The following CDK15 variants were observed in gnomAD, a reference collection of about 807,000 sequenced individuals.
The protein encoded by CDK15 is cyclin dependent kinase 15.
In CDK15, 62 loss-of-function variants were observed where a neutral mutation model predicts 60.3. That is an observed-to-expected ratio of 1.03 (90% CI 0.84 to 1.27). The LOEUF (loss-of-function observed/expected upper bound fraction) is 1.27. CDK15 is among the 50% of genes most tolerant of loss of function. The pLI is 0.00. For missense variants in CDK15, 541 were observed against 527.8 expected, an observed-to-expected ratio of 1.03 and a Z score of -0.25; for synonymous variants, 194 against 195.7, an observed-to-expected ratio of 0.99 and a Z score of 0.07.
At chr2:201,836,997 A>G (rs952205821) in intron 8 of CDK15, among the ~76,000 whole-genome samples, 3 of 152,054 alleles carry the variant, frequency 2.0e-5, no homozygotes, top group African/African-American at 7.2e-5. Context: ...GTACAAATAT[A>G]AGAACCAAAT....
At chr2:201,847,623 T>A in intron 9 of CDK15, 149 bp downstream of exon 9, 1 of 677,434 alleles carries the variant, frequency 1.5e-6, no homozygotes, top group Non-Finnish European at 2.5e-6. Flanking sequence ...TTGCCACAGC[T>A]ATAAGCACCC....
intron 10 of CDK15, among the ~76,000 whole-genome samples, chr2:201,863,709 A>C (rs1698493756): frequency 6.6e-6 from 1 of 152,218 alleles, no homozygotes; most frequent in Non-Finnish European, 1.5e-5. Context: ...CAGCCTGGCC[A>C]ACATGGTGAA....
chr2:201,830,772 G>A (rs1402599473), intron 6 of CDK15, among the ~76,000 whole-genome samples: 1 of 152,202 alleles, frequency 6.6e-6, no homozygotes. Context: ...AAATCCAAGG[G>A]ACAGGGGTTT....
intron 6 of CDK15, among the ~76,000 whole-genome samples, chr2:201,827,062 G>A (rs1423573685): frequency 6.6e-6 from 1 of 152,164 alleles, no homozygotes; most frequent in Non-Finnish European, 1.5e-5. Context: ...AGTTCTGTTG[G>A]CCTGAAATAC....
chr2:201,819,111 G>A (rs1696113030), intron 4 of CDK15, among the ~76,000 whole-genome samples: 1 of 152,136 alleles, frequency 6.6e-6, no homozygotes, highest in Non-Finnish European at 1.5e-5. Context: ...AGGGCCCAGA[G>A]AGAGAGGGTA....
chr2:201,877,639 G>A (rs1202117023), intron 11 of CDK15, among the ~76,000 whole-genome samples: 2 of 152,098 alleles, frequency 1.3e-5, no homozygotes, highest in African/African-American at 4.8e-5. Context: ...CATTTCATGG[G>A]CCCTAAAAAA....
At chr2:201,883,034 G>T (rs1235756919) in intron 12 of CDK15, among the ~76,000 whole-genome samples, 2 of 152,180 alleles carry the variant, frequency 1.3e-5, no homozygotes, top group East Asian at 3.8e-4. Context: ...GGCTGCCCCA[G>T]GCATGAGAAT....
At chr2:201,862,907 A>AC (rs1258379391) in intron 10 of CDK15, among the ~76,000 whole-genome samples, 1 of 152,190 alleles carries the variant, frequency 6.6e-6, no homozygotes, top group Non-Finnish European at 1.5e-5. Context: ...ATGTCTTTCC[A>AC]CCCAGACGTG....
intron 7 of CDK15, among the ~76,000 whole-genome samples, chr2:201,835,167 G>A (rs189604368): frequency 7.9e-5 from 12 of 152,218 alleles, no homozygotes; most frequent in South Asian, 2.1e-4. Flanking sequence ...ACTTTCTTTC[G>A]CATCACAGTC....
At chr2:201,822,108 T>C (rs1696252791) in intron 4 of CDK15, among the ~76,000 whole-genome samples, 1 of 152,238 alleles carries the variant, frequency 6.6e-6, no homozygotes, top group Non-Finnish European at 1.5e-5. Context: ...TGATGACTTC[T>C]TTCCTTCAAG....
rs111614334 is a variant in CDK15 at position 201,833,716 on chromosome 2, C to CTTCT, written c.607-130_607-129insCTTT. Reference sequence around the variant, plus strand: ...ATGTAAAAATCTTCTTCTTCTTCTTCTTTTTTTTTTTTTTTTTGGTCTCTC... The same window carrying CTTCT: ...ATGTAAAAATCTTCTTCTTCTTCTTCTTCTTTTTTTTTTTTTTTTTTGGTCTCTC... On this transcript the variant is annotated intron_variant, in intron 6 of 13. Coordinates refer to ENST00000652192, the MANE Select transcript of CDK15 (RefSeq NM_001366386.2). The CTTCT allele has an allele frequency of 1.7e-3, 285 of 171,012 alleles. 1 individual carries two copies. Among genetic ancestry groups the CTTCT allele is most frequent in the African/African-American group, 9.1e-3 (277 of 30,490 alleles). The allele number at this position is 171,012 out of a possible 1,614,324, so 10.6% of individuals were successfully genotyped here. A position where few individuals can be genotyped will look rare whatever the true frequency, so the allele number is the denominator to read the frequency against.
At chr2:201,835,001 C>A (rs1021738536) in intron 7 of CDK15, among the ~76,000 whole-genome samples, 1 of 152,126 alleles carries the variant, frequency 6.6e-6, no homozygotes, top group Non-Finnish European at 1.5e-5. Context: ...AAGGTCCTAC[C>A]AAACTAATTA....
Position 201,835,670 on chromosome 2 carries a change from G to T in CDK15, c.758G>T (p.Ser253Ile). The change falls in exon 8 of 14, where the codon AGC (serine) becomes ATC (isoleucine). Residue 253 changes from serine (S) to isoleucine (I), a missense_variant. By Grantham distance (142) the Ser-to-Ile change is moderately radical. Transcript: ENST00000652192. The part of the protein sequence containing the change: ...FGLARAKSIP[S>I]QTYSSEVVTL... The stretch of plus-strand genomic sequence containing the variant: ...CTTGCCCGGGCCAAGTCCATTCCCA[G>T]CCAGACATACTCTTCAGAAGTCGTG... The T allele has an allele frequency of 6.2e-7, 1 of 1,609,618 alleles. No individual in the cohort carries two copies. The highest frequency in any genetic ancestry group is 8.5e-7 in the Non-Finnish European group (1 of 1,177,288).
chr2:201,816,768 A>T (rs1696016595), intron 4 of CDK15, among the ~76,000 whole-genome samples: 1 of 152,210 alleles, frequency 6.6e-6, no homozygotes. Context: ...GGACTAGCCA[A>T]AACAGGGCCT....
At chr2:201,892,673 A>G (rs1699675198) in intron 13 of CDK15, among the ~76,000 whole-genome samples, 1 of 152,246 alleles carries the variant, frequency 6.6e-6, no homozygotes. Context: ...GGGAAAAGCT[A>G]GAGCAATTAA....
intron 12 of CDK15, among the ~76,000 whole-genome samples, chr2:201,880,915 G>A (rs2192879): frequency 0.83 from 126,809 of 152,132 alleles, 53,868 homozygotes; most frequent in Non-Finnish European, 0.92. Flanking sequence ...AGTTTTAGGA[G>A]CAAGGGACAA....
At chr2:201,842,853 C>T (rs1316391121) in intron 8 of CDK15, among the ~76,000 whole-genome samples, 1 of 152,198 alleles carries the variant, frequency 6.6e-6, no homozygotes, top group Non-Finnish European at 1.5e-5. Context: ...GTCACAGGGT[C>T]TTTTCTCCCC....
chr2:201,888,473 C>T lies in CDK15; in HGVS notation c.1199-2312C>T, dbSNP rs148452531. On this transcript the variant is annotated intron_variant, in intron 12 of 13. Transcript: ENST00000652192. Reference sequence around the variant, plus strand: ...ATTTATTCTAAGAGTGAAGCAGCTGCGATAATTATGCTGTCAGCCTCGGGA... The same window carrying T: ...ATTTATTCTAAGAGTGAAGCAGCTGTGATAATTATGCTGTCAGCCTCGGGA... The T allele has an allele frequency of 4.4e-5, 68 of 1,534,794 alleles. No homozygotes were observed. The African/African-American group carries it at 7.4e-4, about 17-fold the overall frequency.
rs868037403 is a variant in CDK15 at position 201,889,170 on chromosome 2, T to C, written c.1199-1615T>C. 9 of 985,280 alleles carry C rather than the reference T, an allele frequency of 9.1e-6. No homozygotes were observed. In the Middle Eastern group the frequency reaches 1.5e-3, roughly 170 times the overall value. The allele number at this position is 985,280 out of a possible 1,614,324, so 61.0% of individuals were successfully genotyped here. A position where few individuals can be genotyped will look rare whatever the true frequency, so the allele number is the denominator to read the frequency against. On this transcript the variant is annotated intron_variant, in intron 12 of 13. Coordinates refer to ENST00000652192, the MANE Select transcript of CDK15 (RefSeq NM_001366386.2). ...TTCTTCCCTTTGGGTGTGAGCAGCT[T>C]CCAGCAAACAGTATTATTTAAGGCA...
Sources: allele counts gnomAD v4.1 joint callset (sites outside exome capture counted in the v4.1 genomes callset), GRCh38; gene constraint gnomAD v4.1.1; transcripts MANE v1.5; gene names NCBI Gene and HGNC (gene_info 2026-07-23, HGNC 2026-07-21).